MRTFA: variants seen among roughly 807,000 people sequenced by gnomAD.
MRTFA encodes the protein myocardin related transcription factor A.
Under a neutral mutation model 83.5 loss-of-function variants are expected in MRTFA, and 20 were observed. The observed-to-expected ratio is 0.24, with a 90% CI of 0.17 to 0.35. The LOEUF (loss-of-function observed/expected upper bound fraction) is 0.35. Among genes scored for constraint, MRTFA ranks in the 10% least tolerant of loss-of-function variants. The probability of loss-of-function intolerance (pLI) is 1.00; values close to 1 mark genes in which losing one functional copy is unlikely to be tolerated. For missense variants in MRTFA, 1,200 were observed against 1,224.7 expected, an observed-to-expected ratio of 0.98 and a Z score of 0.30; for synonymous variants, 659 against 541.2, an observed-to-expected ratio of 1.22 and a Z score of -3.02.
intron 2 of MRTFA, among the ~76,000 whole-genome samples, chr22:40,581,261 T>A (rs367768898): frequency 1.3e-5 from 2 of 152,334 alleles, no homozygotes; most frequent in East Asian, 3.9e-4. Flanking sequence ...GCTTCCAAAT[T>A]TTTTCCTATC....
At position 40,461,431 on chromosome 22, in the gene MRTFA, T is replaced by C. The variant is rs577031553; in HGVS notation, c.307+1790A>G. ...CACTAAGGAGCCTGAGGCAGAAGGA[T>C]TGCTTGAGCCCAGGAGGTTGAGTTC... is the stretch of plus-strand genomic sequence containing the variant. On this transcript the variant is annotated intron_variant, in intron 4 of 14. Transcript: ENST00000355630. 1.1e-4 allele frequency among the ~76,000 whole-genome samples: 17 copies of C among 150,346 alleles called. No individual in the cohort carries two copies. The South Asian group carries it at 1.5e-3, about 13-fold the overall frequency.
At chr22:40,551,408 G>A (rs900491595) in intron 3 of MRTFA, among the ~76,000 whole-genome samples, 14 of 151,968 alleles carry the variant, frequency 9.2e-5, no homozygotes, top group African/African-American at 1.9e-4. Context: ...TCATTCTGTC[G>A]TCCAGGCTGG....
chr22:40,584,948 G>A (rs1488412783), intron 2 of MRTFA, among the ~76,000 whole-genome samples: 2 of 152,124 alleles, frequency 1.3e-5, no homozygotes, highest in African/African-American at 4.8e-5. Flanking sequence ...GAGAGTCTGC[G>A]GTGGTAGGAT....
At chr22:40,532,588 A>G (rs191910909) in intron 3 of MRTFA, among the ~76,000 whole-genome samples, 38 of 152,366 alleles carry the variant, frequency 2.5e-4, no homozygotes, top group Non-Finnish European at 4.1e-4. Context: ...ACAAAATGGT[A>G]GTGGTATCTG....
intron 1 of MRTFA, among the ~76,000 whole-genome samples, chr22:40,628,946 CAG>C (rs2056610790): frequency 6.6e-6 from 1 of 152,138 alleles, no homozygotes; most frequent in Non-Finnish European, 1.5e-5. Context: ...TGCAGTGACA[CAG>C]AGTGTAATTA....
chr22:40,572,152 G>A (rs1298379240), intron 2 of MRTFA, among the ~76,000 whole-genome samples: 2 of 152,096 alleles, frequency 1.3e-5, no homozygotes, highest in East Asian at 3.8e-4. Context: ...CTAGAATTGG[G>A]ACACATATAG....
intron 4 of MRTFA, among the ~76,000 whole-genome samples, chr22:40,441,130 C>T (rs2053266863): frequency 6.6e-6 from 1 of 152,200 alleles, no homozygotes; most frequent in South Asian, 2.1e-4. Context: ...TATTCAATAT[C>T]AGAGGGTAGT....
At chr22:40,601,138 G>C (rs1476005114) in intron 1 of MRTFA, among the ~76,000 whole-genome samples, 1 of 152,136 alleles carries the variant, frequency 6.6e-6, no homozygotes, top group Non-Finnish European at 1.5e-5. Context: ...AGACATAGTA[G>C]CTCCAGAGAA....
intron 5 of MRTFA, among the ~76,000 whole-genome samples, chr22:40,433,798 C>T (rs1244516827): frequency 6.6e-6 from 1 of 152,172 alleles, no homozygotes; most frequent in Non-Finnish European, 1.5e-5. Flanking sequence ...ATTCATGTTT[C>T]ATATCTCAAC....
intron 3 of MRTFA, among the ~76,000 whole-genome samples, chr22:40,533,056 G>A (rs2055109029): frequency 6.6e-6 from 1 of 152,140 alleles, no homozygotes; most frequent in Non-Finnish European, 1.5e-5. Flanking sequence ...CCCCTGTGTT[G>A]ACTGACTCTT....
chr22:40,531,543 C>A (rs181277100), intron 3 of MRTFA, among the ~76,000 whole-genome samples: 180 of 152,142 alleles, frequency 1.2e-3, no homozygotes, highest in Admixed American at 2.6e-3. Context: ...AACTTTCCAT[C>A]CTGAATTCTG....
intron 4 of MRTFA, chr22:40,440,108 C>A (rs1196870269): frequency 6.8e-6 from 1 of 147,622 alleles, no homozygotes; most frequent in Non-Finnish European, 1.5e-5. Flanking sequence ...ACCAAGATTG[C>A]ACCACTGCAC....
intron 3 of MRTFA, among the ~76,000 whole-genome samples, chr22:40,529,339 T>C (rs2055034804): frequency 6.6e-6 from 1 of 152,158 alleles, no homozygotes; most frequent in African/African-American, 2.4e-5. Context: ...TTTTTTGAGA[T>C]GGAATCTTGC....
chr22:40,532,868 A>T (rs1055530624), intron 3 of MRTFA, among the ~76,000 whole-genome samples: 7 of 152,232 alleles, frequency 4.6e-5, no homozygotes, highest in Non-Finnish European at 4.4e-5. Flanking sequence ...ACTACAGATT[A>T]CATTTTAGTA....
At chr22:40,599,590 A>C (rs907442793) in intron 1 of MRTFA, among the ~76,000 whole-genome samples, 4 of 152,156 alleles carry the variant, frequency 2.6e-5, no homozygotes, top group African/African-American at 9.7e-5. Flanking sequence ...TTAGGGGAAG[A>C]GAATGCAAAG....
chr22:40,564,114 T>C (rs184705502), intron 2 of MRTFA, among the ~76,000 whole-genome samples: 15 of 152,292 alleles, frequency 9.8e-5, no homozygotes, highest in African/African-American at 2.9e-4. Context: ...TGTTTGATTG[T>C]TGGGGATGGA....
At chr22:40,434,859 C>T (rs560837560) in intron 5 of MRTFA, among the ~76,000 whole-genome samples, 1 of 152,292 alleles carries the variant, frequency 6.6e-6, no homozygotes, top group East Asian at 1.9e-4. Context: ...GTTCTGGTGA[C>T]TTCCCCATCT....
chr22:40,411,747 G>A lies in MRTFA; in HGVS notation c.2739C>T (p.Arg913=), dbSNP rs1322782492. The change falls in exon 15 of 15, where the codon CGC becomes CGT. Residue 913 remains arginine, a synonymous_variant. Coordinates refer to ENST00000355630, the MANE Select transcript of MRTFA (RefSeq NM_020831.6). ...TGCTGCTCTCCAGGAAGTCCTCCAG[G>A]CGTCCAGGGAGGGAGGGTGAGCCTG... is the stretch of plus-strand genomic sequence containing the variant. 6.5e-7 allele frequency: 1 copy of A among 1,549,022 alleles called. No homozygotes were observed. The highest frequency in any genetic ancestry group is 2.3e-5 in the East Asian group (1 of 43,938).
At chr22:40,616,701 C>A (rs1202990316) in intron 1 of MRTFA, among the ~76,000 whole-genome samples, 1 of 152,088 alleles carries the variant, frequency 6.6e-6, no homozygotes, top group Non-Finnish European at 1.5e-5. Flanking sequence ...GGAGCCAGAG[C>A]AACTTTAGCA....
Sources: gnomAD v4.1 joint callset for allele counts (sites outside exome capture counted in the v4.1 genomes callset) on GRCh38, gnomAD v4.1.1 for gene constraint, MANE v1.5 for transcripts, NCBI Gene and HGNC (gene_info 2026-07-23, HGNC 2026-07-21) for gene names.